The following DOCK1 variants were observed in gnomAD, a reference collection of about 807,000 sequenced individuals.
DOCK1 encodes the protein dedicator of cytokinesis protein 1.
In DOCK1, 138 loss-of-function variants were observed where a neutral mutation model predicts 262.7. The observed-to-expected ratio is 0.53, with a 90% CI of 0.46 to 0.61. The LOEUF (loss-of-function observed/expected upper bound fraction) is 0.61, where lower values mean the gene tolerates loss of function less well. DOCK1 is among the 20% of genes least tolerant of loss of function. The probability of loss-of-function intolerance (pLI) is 0.00; values close to 1 mark genes in which losing one functional copy is unlikely to be tolerated. For missense variants in DOCK1, 1,908 were observed against 2,370.7 expected, an observed-to-expected ratio of 0.80 and a Z score of 4.05; for synonymous variants, 866 against 867.4, an observed-to-expected ratio of 1.00 and a Z score of 0.03.
chr10:126,927,193 C>T (rs1239333964), intron 1 of DOCK1, among the ~76,000 whole-genome samples: 2 of 152,156 alleles, frequency 1.3e-5, no homozygotes, highest in Admixed American at 6.5e-5. Flanking sequence ...GTGACTACCA[C>T]GCCAGGTGTG....
At chr10:127,365,701 T>G (rs920498491) in intron 33 of DOCK1, among the ~76,000 whole-genome samples, 1 of 152,192 alleles carries the variant, frequency 6.6e-6, no homozygotes, top group Non-Finnish European at 1.5e-5. Context: ...AGAGTTTGGT[T>G]TCTGAATTGT....
chr10:127,173,865 G>T (rs2054815290), intron 27 of DOCK1, among the ~76,000 whole-genome samples: 1 of 152,190 alleles, frequency 6.6e-6, no homozygotes, highest in Non-Finnish European at 1.5e-5. Flanking sequence ...GATTACCTAT[G>T]AATCTACTGT....
chr10:127,273,646 CT>C (rs2060643317), intron 29 of DOCK1, among the ~76,000 whole-genome samples: 3 of 152,122 alleles, frequency 2.0e-5, no homozygotes, highest in Admixed American at 6.5e-5. Flanking sequence ...TTTTGGGAGG[CT>C]GAGGTGGCCA....
chr10:127,049,917 C>T (rs918885247), intron 21 of DOCK1, among the ~76,000 whole-genome samples: 2 of 148,492 alleles, frequency 1.3e-5, no homozygotes, highest in African/African-American at 5.0e-5. Flanking sequence ...AATAGACCTT[C>T]GATTTTGTAA....
chr10:127,029,431 C>T (rs1288708706), intron 16 of DOCK1, among the ~76,000 whole-genome samples: 7 of 152,218 alleles, frequency 4.6e-5, no homozygotes, highest in East Asian at 1.9e-4. Context: ...AGTTTGGTGT[C>T]GATGGGTTAA....
intron 1 of DOCK1, among the ~76,000 whole-genome samples, chr10:126,925,363 A>G (rs1002232421): frequency 3.9e-5 from 6 of 152,108 alleles, no homozygotes; most frequent in African/African-American, 1.4e-4. Context: ...CTTACTACTC[A>G]GGGTACTCAT....
At chr10:127,077,111 A>T (rs979620814) in intron 23 of DOCK1, among the ~76,000 whole-genome samples, 1 of 152,054 alleles carries the variant, frequency 6.6e-6, no homozygotes, top group African/African-American at 2.4e-5. Flanking sequence ...TCTTACTACG[A>T]GGGCCGAGCG....
chr10:127,279,336 C>T (rs2060859429), intron 29 of DOCK1, among the ~76,000 whole-genome samples: 1 of 152,150 alleles, frequency 6.6e-6, no homozygotes, highest in Non-Finnish European at 1.5e-5. Context: ...GAGGGCAGGT[C>T]ATATGATCTT....
At chr10:127,447,202 C>T (rs562655981) in intron 50 of DOCK1, among the ~76,000 whole-genome samples, 192 bp from the exon 51 acceptor site, 4 of 152,300 alleles carry the variant, frequency 2.6e-5, no homozygotes, top group Admixed American at 6.5e-5. Context: ...TAGAACATTG[C>T]CGTTAGGAGA....
chr10:126,918,565 C>T (rs1015001385), intron 1 of DOCK1, among the ~76,000 whole-genome samples: 1 of 152,216 alleles, frequency 6.6e-6, no homozygotes, highest in Non-Finnish European at 1.5e-5. Flanking sequence ...GCAGGGCCTG[C>T]CCAGTAGATC....
intron 1 of DOCK1, among the ~76,000 whole-genome samples, chr10:126,917,053 G>A (rs1013222526): frequency 1.1e-4 from 16 of 151,164 alleles, no homozygotes; most frequent in Admixed American, 8.6e-4. Flanking sequence ...CGAGGCCAGC[G>A]GTGTTTCAGA....
At position 127,361,099 on chromosome 10, in the gene DOCK1, A is replaced by G. The variant is rs116416041; in HGVS notation, c.3284-965A>G. Reference sequence around the variant, plus strand: ...AAGATAGGTGAAATGAGATTAATAAAGTAGTTCTTTTTTTTTTTTTTTTTT... The same window carrying G: ...AAGATAGGTGAAATGAGATTAATAAGGTAGTTCTTTTTTTTTTTTTTTTTT... On this transcript the variant is annotated intron_variant, in intron 32 of 51. Coordinates refer to ENST00000623213, the MANE Select transcript of DOCK1 (RefSeq NM_001290223.2). Among the ~76,000 whole-genome samples the G allele has an allele frequency of 4.0e-3, 605 of 150,750 alleles. 6 individuals are homozygous for G. Among genetic ancestry groups the G allele is most frequent in the African/African-American group, 0.014 (570 of 40,826 alleles).
intron 27 of DOCK1, among the ~76,000 whole-genome samples, chr10:127,148,698 C>G (rs1264281522): frequency 1.3e-5 from 2 of 152,200 alleles, no homozygotes; most frequent in Non-Finnish European, 2.9e-5. Context: ...GAAATTTCAG[C>G]TGCTTATGAG....
intron 1 of DOCK1, among the ~76,000 whole-genome samples, chr10:126,911,627 G>C (rs2031776611): frequency 6.6e-6 from 1 of 152,144 alleles, no homozygotes; most frequent in East Asian, 1.9e-4. Flanking sequence ...TTTTAGCCCT[G>C]ACAAGGCCAC....
At chr10:127,448,847 G>GTA (rs2070769714) in intron 51 of DOCK1, among the ~76,000 whole-genome samples, 2 of 143,406 alleles carry the variant, frequency 1.4e-5, no homozygotes, top group Non-Finnish European at 3.1e-5. Flanking sequence ...AATCCCACGT[G>GTA]CCATTTCTTT....
rs144595624 is a variant in DOCK1 at position 127,046,752 on chromosome 10, C to G, written c.2201+3588C>G. Reference sequence around the variant, plus strand: ...CTCCAGCCTGGGCAGAGCGACACTACGTCTCAAAAAAAAAAAAAAAAAAAA... The same window carrying G: ...CTCCAGCCTGGGCAGAGCGACACTAGGTCTCAAAAAAAAAAAAAAAAAAAA... On this transcript the variant is annotated intron_variant, in intron 21 of 51. Coordinates refer to ENST00000623213, the MANE Select transcript of DOCK1 (RefSeq NM_001290223.2). Among the ~76,000 whole-genome samples the G allele has an allele frequency of 4.0e-3, 384 of 96,716 alleles. 2 individuals are homozygous for G. Among genetic ancestry groups the G allele is most frequent in the South Asian group, 0.024 (66 of 2,712 alleles). The allele number at this position is 96,716 out of a possible 152,430, so 63.4% of individuals were successfully genotyped here. A position where few individuals can be genotyped will look rare whatever the true frequency, so the allele number is the denominator to read the frequency against.
rs560859314 is a variant in DOCK1 at position 126,911,165 on chromosome 10, G to A, written c.46+5602G>A. Among the ~76,000 whole-genome samples the A allele has an allele frequency of 3.3e-5, 5 of 152,340 alleles. No homozygotes were observed. In the East Asian group the frequency reaches 9.7e-4, roughly 29 times the overall value. On this transcript the variant is annotated intron_variant, in intron 1 of 51. Coordinates refer to ENST00000623213, the MANE Select transcript of DOCK1 (RefSeq NM_001290223.2). The stretch of plus-strand genomic sequence containing the variant: ...GTGCCAGTTCACATTCTCACCAGCA[G>A]TGTATATGTGATTGTAGATTTCTCG...
At chr10:127,209,041 A>G (rs996659105) in intron 27 of DOCK1, among the ~76,000 whole-genome samples, 2 of 152,002 alleles carry the variant, frequency 1.3e-5, no homozygotes, top group Non-Finnish European at 2.9e-5. Flanking sequence ...CATTTTTTTC[A>G]TGTGTGTTTA....
At chr10:127,247,094 C>A (rs547913729) in intron 27 of DOCK1, among the ~76,000 whole-genome samples, 178 of 152,288 alleles carry the variant, frequency 1.2e-3, no homozygotes, top group African/African-American at 3.9e-3. Context: ...AGCTCACAAC[C>A]CGCCACCAAA....
Sources: allele counts gnomAD v4.1 joint callset (sites outside exome capture counted in the v4.1 genomes callset), GRCh38; gene constraint gnomAD v4.1.1; transcripts MANE v1.5; gene names NCBI Gene and HGNC (gene_info 2026-07-23, HGNC 2026-07-21).